The following DLG2 variants were observed in gnomAD, a reference collection of about 807,000 sequenced individuals.
The protein encoded by DLG2 is disks large homolog 2.
Under a neutral mutation model 132.5 loss-of-function variants are expected in DLG2, and 45 were observed. That is an observed-to-expected ratio of 0.34 (90% CI 0.27 to 0.44). The LOEUF is 0.44. DLG2 is among the 20% of genes least tolerant of loss of function. The probability of loss-of-function intolerance (pLI) is 1.00; values close to 1 mark genes in which losing one functional copy is unlikely to be tolerated. For synonymous variants in DLG2, 424 were observed against 419.6 expected (o/e 1.01, Z -0.13); for missense variants, 1,045 against 1,196.9 (o/e 0.87, Z 1.87).
At chr11:84,584,149 T>G (rs571379679) in intron 6 of DLG2, among the ~76,000 whole-genome samples, 1 of 152,272 alleles carries the variant, frequency 6.6e-6, no homozygotes, top group Admixed American at 6.5e-5. Context: ...CCACCAGTAG[T>G]ATAGAAGAAA....
At chr11:85,288,167 T>C (rs961235908) in intron 3 of DLG2, among the ~76,000 whole-genome samples, 1 of 152,016 alleles carries the variant, frequency 6.6e-6, no homozygotes, top group Non-Finnish European at 1.5e-5. Flanking sequence ...TTATTTTGTA[T>C]GAATTAAATA....
intron 7 of DLG2, among the ~76,000 whole-genome samples, chr11:84,414,596 C>T (rs1308135816): frequency 6.6e-6 from 1 of 152,076 alleles, no homozygotes; most frequent in African/African-American, 2.4e-5. Flanking sequence ...ACATGAGTAT[C>T]CTTTGGTCAC....
intron 4 of DLG2, among the ~76,000 whole-genome samples, chr11:85,156,697 G>A (rs1436743858): frequency 6.6e-6 from 1 of 152,132 alleles, no homozygotes; most frequent in African/African-American, 2.4e-5. Context: ...TGTCACCATT[G>A]CTAATTGGAT....
chr11:84,741,120 G>C (rs919224457), intron 6 of DLG2, among the ~76,000 whole-genome samples: 8 of 142,760 alleles, frequency 5.6e-5, no homozygotes. Flanking sequence ...AGGCGGGAGT[G>C]CTGTGGCGCG....
At chr11:84,156,623 T>C (rs1002979680) in intron 9 of DLG2, among the ~76,000 whole-genome samples, 1 of 152,236 alleles carries the variant, frequency 6.6e-6, no homozygotes, top group Non-Finnish European at 1.5e-5. Flanking sequence ...TAAAATAATT[T>C]AAAAATCTGA....
intron 4 of DLG2, among the ~76,000 whole-genome samples, chr11:85,179,199 T>C (rs2079529444): frequency 6.6e-6 from 1 of 151,754 alleles, no homozygotes; most frequent in South Asian, 2.1e-4. Context: ...CATGAGAAAA[T>C]AATTGCTGTC....
chr11:83,850,160 G>GTTTTT lies in DLG2; in HGVS notation c.1566-16395_1566-16391dup, dbSNP rs145688257. On this transcript the variant is annotated intron_variant, in intron 16 of 27. Transcript: ENST00000376104. ...TGTGTGTGTGTGTGTGTGTGTGTGTGTTTTTTTACTTGAGACGGAGTCTCA... is the reference window on the plus strand; with the variant it reads ...TGTGTGTGTGTGTGTGTGTGTGTGTGTTTTTTTTTTTTACTTGAGACGGAGTCTCA... Among the ~76,000 whole-genome samples the GTTTTT allele has an allele frequency of 1.9e-4, 23 of 124,304 alleles. 1 individual carries two copies. Among genetic ancestry groups the GTTTTT allele is most frequent in the African/African-American group, 8.3e-4 (23 of 27,638 alleles). The allele number at this position is 124,304 out of a possible 152,430, so 81.5% of individuals were successfully genotyped here.
At chr11:83,826,400 G>GT (rs956882984) in intron 17 of DLG2, among the ~76,000 whole-genome samples, 5 of 152,186 alleles carry the variant, frequency 3.3e-5, no homozygotes, top group Admixed American at 3.3e-4. Flanking sequence ...TGAGCAGTGA[G>GT]TTCTGAGCTG....
At chr11:83,696,888 T>C (rs1332022368) in intron 18 of DLG2, among the ~76,000 whole-genome samples, 2 of 152,210 alleles carry the variant, frequency 1.3e-5, no homozygotes, top group African/African-American at 2.4e-5. Context: ...AAAGAGAATA[T>C]GTACCAAGTC....
intron 11 of DLG2, among the ~76,000 whole-genome samples, chr11:84,008,848 G>T (rs1379053874): frequency 6.6e-6 from 1 of 151,528 alleles, no homozygotes; most frequent in Non-Finnish European, 1.5e-5. Context: ...GGATGACCCA[G>T]TTGTCATTAG....
intron 18 of DLG2, among the ~76,000 whole-genome samples, chr11:83,709,339 CAT>C (rs532012065): frequency 1.0e-4 from 15 of 145,470 alleles, no homozygotes; most frequent in East Asian, 9.9e-4. Flanking sequence ...ATTATATATA[CAT>C]ATATATAATA....
chr11:84,795,133 TC>T (rs1204510858), intron 6 of DLG2, among the ~76,000 whole-genome samples: 19 of 152,256 alleles, frequency 1.2e-4, no homozygotes. Context: ...AGCATGCACT[TC>T]CTCCACTCTT....
At chr11:84,940,114 C>G (rs368796264) in intron 6 of DLG2, among the ~76,000 whole-genome samples, 1 of 152,112 alleles carries the variant, frequency 6.6e-6, no homozygotes, top group Non-Finnish European at 1.5e-5. Context: ...GGATAAAAGC[C>G]ATTTTTACTG....
At chr11:85,050,863 G>C (rs986713731) in intron 6 of DLG2, among the ~76,000 whole-genome samples, 2 of 151,702 alleles carry the variant, frequency 1.3e-5, no homozygotes, top group Admixed American at 1.3e-4. Flanking sequence ...TGATTTGCTG[G>C]GCACTCAGTC....
intron 7 of DLG2, among the ~76,000 whole-genome samples, chr11:84,275,077 C>T (rs1365388970): frequency 6.6e-6 from 1 of 152,202 alleles, no homozygotes; most frequent in African/African-American, 2.4e-5. Context: ...CCCAGTCATT[C>T]CTCTCTGAAA....
At position 84,018,836 on chromosome 11, in the gene DLG2, G is replaced by A. The variant is rs534082526; in HGVS notation, c.920-38194C>T. ...TCAACAAATTAAAGAAGACTGAAAA[G>A]ACAAATTAAGCTAAAAAAAAAATGG... On this transcript the variant is annotated intron_variant, in intron 11 of 27. Transcript: ENST00000376104. 2.4e-3 allele frequency among the ~76,000 whole-genome samples: 364 copies of A among 150,800 alleles called. 3 individuals are homozygous for A. Among genetic ancestry groups the A allele is most frequent in the African/African-American group, 8.5e-3 (348 of 41,132 alleles).
intron 12 of DLG2, among the ~76,000 whole-genome samples, chr11:83,966,105 G>A (rs1407114036): frequency 1.3e-5 from 2 of 151,942 alleles, no homozygotes; most frequent in Non-Finnish European, 2.9e-5. Flanking sequence ...GCACAACTCT[G>A]ATAATATTTC....
chr11:83,807,832 G>C (rs1470865327), intron 17 of DLG2, among the ~76,000 whole-genome samples: 1 of 152,140 alleles, frequency 6.6e-6, no homozygotes, highest in Non-Finnish European at 1.5e-5. Context: ...AGAAAGATTA[G>C]ATGCTTCGAA....
intron 4 of DLG2, among the ~76,000 whole-genome samples, chr11:85,216,782 C>A (rs936538231): frequency 6.6e-6 from 1 of 151,984 alleles, no homozygotes; most frequent in Non-Finnish European, 1.5e-5. Context: ...CGGCAACCTC[C>A]ACCTCCCGGG....
Sources: allele counts gnomAD v4.1 joint callset (sites outside exome capture counted in the v4.1 genomes callset), GRCh38; gene constraint gnomAD v4.1.1; transcripts MANE v1.5; gene names NCBI Gene and HGNC (gene_info 2026-07-23, HGNC 2026-07-21).